UBE2D4: variants seen among roughly 807,000 people sequenced by gnomAD.
UBE2D4 encodes ubiquitin conjugating enzyme E2 D4.
Under a neutral mutation model 23.0 loss-of-function variants are expected in UBE2D4, and 17 were observed. The observed-to-expected ratio is 0.74, with a 90% CI of 0.51 to 1.11. The LOEUF (loss-of-function observed/expected upper bound fraction) is 1.11, where lower values mean the gene tolerates loss of function less well. Among genes scored for constraint, UBE2D4 ranks in the 50% least tolerant of loss-of-function variants. The probability of loss-of-function intolerance (pLI) is 0.00; values close to 1 mark genes in which losing one functional copy is unlikely to be tolerated. For synonymous variants in UBE2D4, 61 were observed against 69.4 expected (o/e 0.88, Z 0.60); for missense variants, 139 against 181.8 (o/e 0.76, Z 1.35).
chr7:43,948,540 G>A, intron 4 of UBE2D4, 92 bp from the exon 5 acceptor site: 2 of 821,318 alleles, frequency 2.4e-6, no homozygotes, highest in Non-Finnish European at 2.0e-6. Flanking sequence ...CACACTCCAG[G>A]TACTGCCCAG....
intron 1 of UBE2D4, among the ~76,000 whole-genome samples, chr7:43,933,470 G>T (rs77359091): frequency 3.3e-5 from 5 of 152,174 alleles, no homozygotes; most frequent in African/African-American, 1.2e-4. Flanking sequence ...GCTGGGCGTG[G>T]TGGCTCAGGC....
rs551260454 is a variant in UBE2D4 at position 43,928,565 on chromosome 7, C to T, written c.24+2009C>T. Among the ~76,000 whole-genome samples the T allele has an allele frequency of 3.9e-5, 6 of 152,114 alleles. No individual in the cohort carries two copies. The East Asian group carries it at 9.7e-4, about 24-fold the overall frequency. On this transcript the variant is annotated intron_variant, in intron 1 of 6. Coordinates refer to ENST00000222402, the MANE Select transcript of UBE2D4 (RefSeq NM_015983.4). ...CTGTGTTCTAAAAAGATCTTTCTGG[C>T]AGCAGTGTGGCCGGAAGTGGGACAG...
In UBE2D4 at chr7:43,948,635, GC is replaced by G; in HGVS notation, c.203del (p.Ala68ValfsTer30). 1.2e-6 allele frequency: 2 copies of G among 1,604,204 alleles called. No individual in the cohort carries two copies. The highest frequency in any genetic ancestry group is 1.7e-6 in the Non-Finnish European group (2 of 1,172,550). On this transcript the variant is annotated frameshift_variant, in exon 5 of 7. Coordinates refer to ENST00000222402, the MANE Select transcript of UBE2D4 (RefSeq NM_015983.4). LOFTEE classifies it high-confidence loss of function. Reference protein sequence around the residue: ...TDYPFKPPKVAFTTKIYHPNI... With the variant: ...TDYPFKPPKVXFTTKIYHPNI... ...TGGGGATCTCTTGTCTTTGCAGGTTGCTTTCACAACCAAAATTTATCACCCT... is the reference window on the plus strand; with the variant it reads ...TGGGGATCTCTTGTCTTTGCAGGTTGTTTCACAACCAAAATTTATCACCCT...
chr7:43,946,219 A>G (rs17654740), intron 4 of UBE2D4: 19,011 of 152,096 alleles, frequency 0.12, 1,277 homozygotes, highest in Admixed American at 0.19. Context: ...CACATCACAG[A>G]CAGCGGACTC....
chr7:43,938,457 T>C lies in UBE2D4; in HGVS notation c.51T>C (p.Pro17=). The part of the protein sequence containing the change: ...QKELTDLQRD[P]PAQCSAGPVG... ...AATTAACCGACTTGCAGAGGGATCCTCCTGCCCAGTGTTCTGCAGGACCTG... is the reference window on the plus strand; with the variant it reads ...AATTAACCGACTTGCAGAGGGATCCCCCTGCCCAGTGTTCTGCAGGACCTG... Residue 17 remains proline (P), a synonymous_variant, in exon 2 of 7, where the codon CCT becomes CCC. Coordinates refer to ENST00000222402, the MANE Select transcript of UBE2D4 (RefSeq NM_015983.4). The C allele has an allele frequency of 6.2e-7, 1 of 1,614,148 alleles. No homozygotes were observed. The highest frequency in any genetic ancestry group is 8.5e-7 in the Non-Finnish European group (1 of 1,180,012).
chr7:43,930,664 G>A (rs2095943318), intron 1 of UBE2D4, among the ~76,000 whole-genome samples: 2 of 152,200 alleles, frequency 1.3e-5, no homozygotes, highest in East Asian at 3.9e-4. Flanking sequence ...ATGTTGCCCA[G>A]GCTGGTCTCA....
chr7:43,950,681 CGACA>C lies in UBE2D4; in HGVS notation c.390_393del (p.Asp130GlufsTer7), dbSNP rs757836356. 1.2e-6 allele frequency: 2 copies of C among 1,614,078 alleles called. No individual in the cohort carries two copies. Among genetic ancestry groups the C allele is most frequent in the Non-Finnish European group, 8.5e-7 (1 of 1,179,940 alleles). ...CAGAGATAGCACACACCTACAAGGC[CGACA>C]GAGAGAAGTACGTGTCCTCTTTGGG... is the stretch of plus-strand genomic sequence containing the variant. On this transcript the variant is annotated frameshift_variant, in exon 6 of 7. Coordinates refer to ENST00000222402, the MANE Select transcript of UBE2D4 (RefSeq NM_015983.4). LOFTEE classifies it high-confidence loss of function.
chr7:43,932,694 G>A (rs1217121938), intron 1 of UBE2D4, among the ~76,000 whole-genome samples: 1 of 152,052 alleles, frequency 6.6e-6, no homozygotes, highest in Non-Finnish European at 1.5e-5. Context: ...TCGGGAGGCT[G>A]AGGCATAAGA....
In UBE2D4 at chr7:43,952,921, T is replaced by A. The variant is rs938782566; in HGVS notation, c.*226T>A. 4.1e-6 allele frequency: 2 copies of A among 489,790 alleles called. No individual in the cohort carries two copies. Among genetic ancestry groups the A allele is most frequent in the Non-Finnish European group, 7.6e-6 (2 of 264,282 alleles). The allele number at this position is 489,790 out of a possible 1,614,324, so 30.3% of individuals were successfully genotyped here. ...GCCAAATCAGCAACCATTGTTGTTA[T>A]GATCTGCAGTCTTCCTGGTGACACT... On this transcript the variant is annotated 3_prime_UTR_variant, in exon 7 of 7. Transcript: ENST00000222402.
chr7:43,929,005 A>G (rs1351581129), intron 1 of UBE2D4, among the ~76,000 whole-genome samples: 1 of 152,216 alleles, frequency 6.6e-6, no homozygotes, highest in Non-Finnish European at 1.5e-5. Context: ...ATAAGAATCA[A>G]GGACAGGCTG....
intron 5 of UBE2D4, 189 bp downstream of exon 5, chr7:43,948,926 C>T (rs1416510858): frequency 8.5e-5 from 47 of 552,560 alleles, no homozygotes; most frequent in Middle Eastern, 3.8e-4. Context: ...CTTTGTGCCC[C>T]GCTCCCTGGC....
At chr7:43,932,685 C>A (rs971277452) in intron 1 of UBE2D4, among the ~76,000 whole-genome samples, 1 of 151,782 alleles carries the variant, frequency 6.6e-6, no homozygotes, top group African/African-American at 2.4e-5. Context: ...CTCAGCTACT[C>A]GGGAGGCTGA....
chr7:43,927,730 A>G (rs1336252194), intron 1 of UBE2D4, among the ~76,000 whole-genome samples: 1 of 152,236 alleles, frequency 6.6e-6, no homozygotes, highest in Non-Finnish European at 1.5e-5. Context: ...ATGTGAGGTC[A>G]CTTATAGTGG....
chr7:43,939,043 G>T (rs762161849), intron 2 of UBE2D4, among the ~76,000 whole-genome samples: 1 of 152,208 alleles, frequency 6.6e-6, no homozygotes, highest in Non-Finnish European at 1.5e-5. Flanking sequence ...TCCCTCTTCT[G>T]GCGCATGAGA....
chr7:43,926,502 G>T lies in UBE2D4; in HGVS notation c.-31G>T. ...CGGGCCGCCTCAGGCAGCCCCGGCC[G>T]GGCCGCCCGGGTCCCCGGCAGCGGG... On this transcript the variant is annotated 5_prime_UTR_variant, in exon 1 of 7. Coordinates refer to ENST00000222402, the MANE Select transcript of UBE2D4 (RefSeq NM_015983.4). The T allele has an allele frequency of 1.3e-6, 2 of 1,506,498 alleles. No individual in the cohort carries two copies. The highest frequency in any genetic ancestry group is 8.9e-7 in the Non-Finnish European group (1 of 1,127,618). The allele number at this position is 1,506,498 out of a possible 1,614,324, so 93.3% of individuals were successfully genotyped here. A position where few individuals can be genotyped will look rare whatever the true frequency, so the allele number is the denominator to read the frequency against.
chr7:43,945,652 C>A (rs1435107817), intron 4 of UBE2D4, among the ~76,000 whole-genome samples: 5 of 151,386 alleles, frequency 3.3e-5, no homozygotes, highest in Admixed American at 6.6e-5. Context: ...TTAAAAAAAA[C>A]TATTAAAAAC....
Position 43,928,631 on chromosome 7 carries a change from T to C in UBE2D4, c.24+2075T>C, listed in dbSNP as rs533741413. 2.6e-4 allele frequency among the ~76,000 whole-genome samples: 40 copies of C among 152,234 alleles called. No homozygotes were observed. The South Asian group carries it at 6.8e-3, about 26-fold the overall frequency. ...TGTTGTGAAGGTTCAGTAGAGGCTTTGTCCAAATTAATGACCATGGAATGG... is the reference window on the plus strand; with the variant it reads ...TGTTGTGAAGGTTCAGTAGAGGCTTCGTCCAAATTAATGACCATGGAATGG... On this transcript the variant is annotated intron_variant, in intron 1 of 6. Coordinates refer to ENST00000222402, the MANE Select transcript of UBE2D4 (RefSeq NM_015983.4).
chr7:43,937,780 T>C (rs1386420395), intron 1 of UBE2D4, among the ~76,000 whole-genome samples: 1 of 152,106 alleles, frequency 6.6e-6, no homozygotes, highest in Non-Finnish European at 1.5e-5. Flanking sequence ...TTTGGCTTAG[T>C]TCAGGGTTGG....
At chr7:43,942,687 G>A (rs2095975793) in intron 2 of UBE2D4, 139 bp from the exon 3 acceptor site, 7 of 1,250,588 alleles carry the variant, frequency 5.6e-6, no homozygotes, top group Non-Finnish European at 7.0e-6. Context: ...GTGGTTTGGG[G>A]AACCCCAGTC....
Sources: gnomAD v4.1 joint callset for allele counts (sites outside exome capture counted in the v4.1 genomes callset) on GRCh38, gnomAD v4.1.1 for gene constraint, MANE v1.5 for transcripts, NCBI Gene and HGNC (gene_info 2026-07-23, HGNC 2026-07-21) for gene names.